LYPLAL1: variants seen among roughly 807,000 people sequenced by gnomAD.
LYPLAL1 encodes lysophospholipase like 1, also known as lysophospholipase-like protein 1.
In LYPLAL1, 23 loss-of-function variants were observed where a neutral mutation model predicts 19.7. That is an observed-to-expected ratio of 1.17 (90% CI 0.84 to 1.65). The LOEUF is 1.65. Among genes scored for constraint, LYPLAL1 ranks in the 40% most tolerant of loss-of-function variants. The probability of loss-of-function intolerance (pLI) is 0.00; values close to 1 mark genes in which losing one functional copy is unlikely to be tolerated. For synonymous variants in LYPLAL1, 119 were observed against 96.3 expected (o/e 1.24, Z -1.38); for missense variants, 355 against 279.4 (o/e 1.27, Z -1.93).
At chr1:219,413,873 A>G in the LYPLAL1 span, among the ~76,000 whole-genome samples, 30,890 of 152,230 alleles carry the variant, frequency 0.2, 3,133 homozygotes, top group Non-Finnish European at 0.22. Flanking sequence ...GTAGAAGAAT[A>G]CTTTCCAGAG....
In LYPLAL1 at chr1:219,186,220, TTTC is replaced by T. The variant is rs201004841; in HGVS notation, c.192-6856_192-6854del. Among the ~76,000 whole-genome samples, 977 of 151,994 alleles carry T rather than the reference TTTC, an allele frequency of 6.4e-3. 10 individuals are homozygous for T. Among genetic ancestry groups the T allele is most frequent in the Non-Finnish European group, 8.3e-3 (563 of 67,874 alleles). On this transcript the variant is annotated intron_variant, in intron 2 of 4. Coordinates refer to ENST00000366928, the MANE Select transcript of LYPLAL1 (RefSeq NM_138794.5). ...TATTAGAGAAAATATCCTGTATGAT[TTTC>T]TTCTTTTGATATTCATTGGGACCTT...
chr1:219,295,811 T>C, the LYPLAL1 span, among the ~76,000 whole-genome samples: 1 of 152,158 alleles, frequency 6.6e-6, no homozygotes, highest in Non-Finnish European at 1.5e-5. Context: ...CAGAATCAAA[T>C]CCAAAATCCT....
chr1:219,233,696 C>T, the LYPLAL1 span, among the ~76,000 whole-genome samples: 11 of 151,624 alleles, frequency 7.3e-5, no homozygotes, highest in East Asian at 1.4e-3. Context: ...CTTGAGACCA[C>T]GAGGTCGAGG....
At chr1:219,340,338 C>T in the LYPLAL1 span, among the ~76,000 whole-genome samples, 1 of 151,950 alleles carries the variant, frequency 6.6e-6, no homozygotes, top group South Asian at 2.1e-4. Context: ...CTTGATTTAA[C>T]CCCAGGCTCA....
the LYPLAL1 span, among the ~76,000 whole-genome samples, chr1:219,227,500 A>T: frequency 2.0e-5 from 3 of 152,244 alleles, no homozygotes; most frequent in South Asian, 6.2e-4. Context: ...AGTGCTGAAA[A>T]TTCTGTAGTC....
At chr1:219,285,788 C>T in the LYPLAL1 span, among the ~76,000 whole-genome samples, 1 of 152,092 alleles carries the variant, frequency 6.6e-6, no homozygotes, top group Non-Finnish European at 1.5e-5. Context: ...TGTTTTGAAG[C>T]TAGATAGAGG....
intron 2 of LYPLAL1, among the ~76,000 whole-genome samples, chr1:219,189,026 A>G (rs1031926790): frequency 6.6e-6 from 1 of 151,730 alleles, no homozygotes; most frequent in African/African-American, 2.4e-5. Flanking sequence ...AATTTTCTCA[A>G]TTACTCCATT....
chr1:219,240,811 A>C, the LYPLAL1 span, among the ~76,000 whole-genome samples: 8 of 151,910 alleles, frequency 5.3e-5, no homozygotes, highest in African/African-American at 1.9e-4. Context: ...TTCCAATTCC[A>C]TTCTCTCTTC....
At chr1:219,202,841 GT>G (rs5781093) in intron 3 of LYPLAL1, among the ~76,000 whole-genome samples, 146,731 of 148,322 alleles carry the variant, frequency 0.99, 72,578 homozygotes, top group Middle Eastern at 1. Flanking sequence ...ATGCCTGGCT[GT>G]TTTTTTTTTT....
At chr1:219,341,782 A>G in the LYPLAL1 span, among the ~76,000 whole-genome samples, 60 of 152,240 alleles carry the variant, frequency 3.9e-4, no homozygotes, top group African/African-American at 1.3e-3. Flanking sequence ...AATTTATAGT[A>G]AAAATGAAGT....
chr1:219,353,430 G>A, the LYPLAL1 span, among the ~76,000 whole-genome samples: 2 of 152,198 alleles, frequency 1.3e-5, no homozygotes, highest in African/African-American at 4.8e-5. Flanking sequence ...AAACTGTTGG[G>A]GAGCTCAGCC....
At chr1:219,394,382 G>A in the LYPLAL1 span, among the ~76,000 whole-genome samples, 6 of 152,170 alleles carry the variant, frequency 3.9e-5, no homozygotes, top group South Asian at 1.2e-3. Flanking sequence ...CAGTTCAGTG[G>A]CATTAAAGAG....
the LYPLAL1 span, among the ~76,000 whole-genome samples, chr1:219,387,693 C>T: frequency 0.57 from 86,625 of 152,002 alleles, 24,898 homozygotes; most frequent in Non-Finnish European, 0.61. Context: ...AAAAAATTCA[C>T]AGATGCTTAG....
At chr1:219,255,682 A>G in the LYPLAL1 span, among the ~76,000 whole-genome samples, 1 of 151,958 alleles carries the variant, frequency 6.6e-6, no homozygotes, top group African/African-American at 2.4e-5. Context: ...CCTAACATCA[A>G]GACGAAATCT....
chr1:219,213,493 T>C (rs548437576), downstream of LYPLAL1, among the ~76,000 whole-genome samples: 1 of 152,080 alleles, frequency 6.6e-6, no homozygotes, highest in East Asian at 1.9e-4. Flanking sequence ...TTTAAACCTG[T>C]ACATCAATTT....
rs762618682 is a variant in LYPLAL1, at chr1:219,173,919, A to G, written c.29A>G (p.Gln10Arg). The change falls in exon 1 of 5, where the codon CAG becomes CGG. Residue 10 changes from glutamine to arginine, a missense_variant. Transcript: ENST00000366928. ...GCGGCTGCGTCGGGGTCGGTTCTGC[A>G]GCGCTGTATCGTGTCGCCGGCAGGG... MAAASGSVLQRCIVSPAGRH... is the reference protein window; with the variant it reads MAAASGSVLRRCIVSPAGRH... 3 of 1,613,714 alleles carry G rather than the reference A, an allele frequency of 1.9e-6. No individual in the cohort carries two copies. In the South Asian group the frequency reaches 3.3e-5, roughly 18 times the overall value.
At chr1:219,380,269 G>A in the LYPLAL1 span, among the ~76,000 whole-genome samples, 2 of 152,216 alleles carry the variant, frequency 1.3e-5, no homozygotes, top group Non-Finnish European at 2.9e-5. Flanking sequence ...AGCAGGAGTC[G>A]TCAGGGAGAA....
the LYPLAL1 span, among the ~76,000 whole-genome samples, chr1:219,359,922 G>A: frequency 6.6e-6 from 1 of 152,050 alleles, no homozygotes; most frequent in Non-Finnish European, 1.5e-5. Flanking sequence ...TGCATAGAAA[G>A]GGAAGTATGT....
the LYPLAL1 span, among the ~76,000 whole-genome samples, chr1:219,348,337 G>A: frequency 6.6e-6 from 1 of 152,184 alleles, no homozygotes; most frequent in Non-Finnish European, 1.5e-5. Context: ...ACCGGCCAAC[G>A]TGGGAGCAAA....
Sources: gnomAD v4.1 joint callset for allele counts (sites outside exome capture counted in the v4.1 genomes callset) on GRCh38, gnomAD v4.1.1 for gene constraint, MANE v1.5 for transcripts, NCBI Gene and HGNC (gene_info 2026-07-23, HGNC 2026-07-21) for gene names.